YTHDC2: variants seen among roughly 807,000 people sequenced by gnomAD.
YTHDC2 encodes YTH N6-methyladenosine RNA binding protein C2, also known as 3'-5' RNA helicase YTHDC2.
A neutral mutation model predicts 174.9 loss-of-function variants in YTHDC2; 45 were observed. That is an observed-to-expected ratio of 0.26 (90% confidence interval 0.20 to 0.33). The LOEUF is 0.33. Ranked by LOEUF, YTHDC2 falls within the 10% of genes least tolerant of loss-of-function variation. YTHDC2 has a pLI of 1.00. For missense variants in YTHDC2, 1,650 were observed against 1,723.7 expected, an observed-to-expected ratio of 0.96 and a Z score of 0.76; for synonymous variants, 657 against 574.5, an observed-to-expected ratio of 1.14 and a Z score of -2.05.
In YTHDC2 at chr5:113,542,409, G is replaced by A; in HGVS notation, c.1401G>A (p.Lys467=). 2 of 1,612,662 alleles carry A rather than the reference G, an allele frequency of 1.2e-6. No homozygotes were observed. The highest frequency in any genetic ancestry group is 1.7e-6 in the Non-Finnish European group (2 of 1,179,552). ...DVNCLEPWLI[K]EMDACLSDIW... ...ATTGCCTTGAACCATGGTTAATAAA[G>A]GAAATGGATGCTTGCCTTTCTGATA... is the stretch of plus-strand genomic sequence containing the variant. The change falls in exon 10 of 30, where the codon AAG becomes AAA. Residue 467 remains lysine (K), a synonymous_variant. Transcript: ENST00000161863.
At chr5:113,539,409 G>A (rs891716624) in intron 8 of YTHDC2, among the ~76,000 whole-genome samples, 1 of 152,218 alleles carries the variant, frequency 6.6e-6, no homozygotes, top group African/African-American at 2.4e-5. Flanking sequence ...CCAGAGTTGA[G>A]GAGGTGTCTA....
intron 23 of YTHDC2, 44 bp from the exon 24 acceptor site, chr5:113,579,542 T>G (rs369737980): frequency 2.8e-6 from 4 of 1,454,052 alleles, no homozygotes; most frequent in African/African-American, 2.9e-5. Flanking sequence ...TGCCATAACG[T>G]AAGAAGGTAA....
At chr5:113,584,572 T>C (rs1023861406) in intron 26 of YTHDC2, 93 bp downstream of exon 26, 4 of 1,139,542 alleles carry the variant, frequency 3.5e-6, no homozygotes, top group Admixed American at 2.3e-5. Context: ...AGAGTACTTT[T>C]CTAATTGTGG....
intron 26 of YTHDC2, among the ~76,000 whole-genome samples, chr5:113,586,871 CTCTA>C (rs1367285449): frequency 8.5e-4 from 111 of 130,522 alleles, no homozygotes; most frequent in African/African-American, 2.9e-3. Flanking sequence ...CTCTCTCTCT[CTCTA>C]TATATATATA....
chr5:113,585,739 A>G (rs899254612), intron 26 of YTHDC2, among the ~76,000 whole-genome samples: 10 of 151,194 alleles, frequency 6.6e-5, no homozygotes, highest in Non-Finnish European at 1.3e-4. Context: ...TGAAATTTCT[A>G]TTAAGTGAAA....
chr5:113,515,550 C>T (rs1300927631), intron 2 of YTHDC2, among the ~76,000 whole-genome samples, 188 bp downstream of exon 2: 1 of 152,098 alleles, frequency 6.6e-6, no homozygotes, highest in Non-Finnish European at 1.5e-5. Context: ...TCTACCTCTT[C>T]CCCCCTTTTT....
intron 4 of YTHDC2, among the ~76,000 whole-genome samples, chr5:113,532,290 G>T (rs1319306338): frequency 1.3e-5 from 2 of 152,160 alleles, no homozygotes; most frequent in South Asian, 2.1e-4. Flanking sequence ...TTTCTTGAAA[G>T]ATTTCATAAG....
At chr5:113,543,561 A>G (rs1775631170) in intron 10 of YTHDC2, among the ~76,000 whole-genome samples, 1 of 152,166 alleles carries the variant, frequency 6.6e-6, no homozygotes, top group Non-Finnish European at 1.5e-5. Context: ...TTTTTATGTT[A>G]CTGCAGTCTG....
In YTHDC2 at chr5:113,522,975, G is replaced by A. The variant is rs1773981639; in HGVS notation, c.279-2006G>A. ...AAGTAGTCCCACCTGCTTATTATGA[G>A]GTTTTTTTTAATACCTAAATGCTAT... On this transcript the variant is annotated intron_variant, in intron 2 of 29. Coordinates refer to ENST00000161863, the MANE Select transcript of YTHDC2 (RefSeq NM_022828.5). Among the ~76,000 whole-genome samples, 2 of 151,782 alleles carry A rather than the reference G, an allele frequency of 1.3e-5. 1 individual carries two copies. Among genetic ancestry groups the A allele is most frequent in the South Asian group, 4.1e-4 (2 of 4,830 alleles).
intron 2 of YTHDC2, among the ~76,000 whole-genome samples, chr5:113,516,241 T>G (rs1162724928): frequency 2.0e-5 from 3 of 152,232 alleles, no homozygotes; most frequent in African/African-American, 4.8e-5. Flanking sequence ...TTACTGTTAC[T>G]GCAATATAAT....
At chr5:113,584,841 A>G (rs938474179) in intron 26 of YTHDC2, among the ~76,000 whole-genome samples, 1 of 147,280 alleles carries the variant, frequency 6.8e-6, no homozygotes. Flanking sequence ...CTGTGGTACA[A>G]TCATATCTAC....
intron 2 of YTHDC2, among the ~76,000 whole-genome samples, chr5:113,516,381 T>C (rs1020227813): frequency 2.6e-5 from 4 of 152,166 alleles, no homozygotes; most frequent in African/African-American, 4.8e-5. Flanking sequence ...CAGAGTTACA[T>C]TGAGGGAAAA....
intron 18 of YTHDC2, among the ~76,000 whole-genome samples, chr5:113,562,981 G>C (rs1188769129): frequency 1.3e-5 from 2 of 152,026 alleles, no homozygotes; most frequent in African/African-American, 4.8e-5. Context: ...TCTCCAATTT[G>C]CACAGGGCCT....
intron 2 of YTHDC2, among the ~76,000 whole-genome samples, chr5:113,517,880 C>CTTTAT (rs762158682): frequency 5.3e-4 from 81 of 152,104 alleles, no homozygotes; most frequent in Non-Finnish European, 9.6e-4. Context: ...CACCCTTTGA[C>CTTTAT]TTTATTTTAT....
At chr5:113,535,879 G>A (rs1416680376) in intron 7 of YTHDC2, 81 bp downstream of exon 7, 1 of 1,229,232 alleles carries the variant, frequency 8.1e-7, no homozygotes, top group African/African-American at 1.5e-5. Flanking sequence ...AGAAACTGGG[G>A]AATGTTCTGA....
At chr5:113,519,006 C>T (rs1047613998) in intron 2 of YTHDC2, among the ~76,000 whole-genome samples, 2 of 151,688 alleles carry the variant, frequency 1.3e-5, no homozygotes, top group East Asian at 3.9e-4. Flanking sequence ...GTAGATAGGA[C>T]CACAGGCATG....
At chr5:113,540,193 T>G (rs1197981020) in intron 8 of YTHDC2, among the ~76,000 whole-genome samples, 1 of 152,214 alleles carries the variant, frequency 6.6e-6, no homozygotes, top group Non-Finnish European at 1.5e-5. Flanking sequence ...CTGAAACATT[T>G]GAAGATGAAA....
intron 17 of YTHDC2, among the ~76,000 whole-genome samples, chr5:113,558,236 C>T (rs1314883056): frequency 1.3e-5 from 2 of 152,006 alleles, no homozygotes; most frequent in African/African-American, 4.8e-5. Context: ...TTTTAAGGAC[C>T]ATTTTGAGTT....
chr5:113,550,109 T>C (rs1258829432), intron 12 of YTHDC2, among the ~76,000 whole-genome samples: 2 of 51,092 alleles, frequency 3.9e-5, no homozygotes, highest in Admixed American at 3.3e-4. Context: ...AAAACAAAAA[T>C]TGGGGGAGAA....
Sources: allele counts gnomAD v4.1 joint callset (sites outside exome capture counted in the v4.1 genomes callset), GRCh38; gene constraint gnomAD v4.1.1; transcripts MANE v1.5; gene names NCBI Gene and HGNC (gene_info 2026-07-23, HGNC 2026-07-21).